PLEKHA2: variants seen among roughly 807,000 people sequenced by gnomAD.
The protein encoded by PLEKHA2 is pleckstrin homology domain containing A2.
A neutral mutation model predicts 53.2 loss-of-function variants in PLEKHA2; 28 were observed. The observed-to-expected ratio is 0.53, with a 90% CI of 0.39 to 0.72. The LOEUF (loss-of-function observed/expected upper bound fraction) is 0.72. Among genes scored for constraint, PLEKHA2 ranks in the 30% least tolerant of loss-of-function variants. The pLI is 0.00. For missense variants in PLEKHA2, 426 were observed against 537.9 expected, an observed-to-expected ratio of 0.79 and a Z score of 2.06; for synonymous variants, 193 against 196.4, an observed-to-expected ratio of 0.98 and a Z score of 0.14.
intron 2 of PLEKHA2, among the ~76,000 whole-genome samples, chr8:38,931,043 C>G (rs1479677088): frequency 2.0e-5 from 3 of 152,158 alleles, no homozygotes; most frequent in Non-Finnish European, 2.9e-5. Context: ...TTTGGGAGGC[C>G]AGGGCGGGCG....
chr8:38,902,652 T>G (rs1488721946), intron 1 of PLEKHA2, among the ~76,000 whole-genome samples: 1 of 152,226 alleles, frequency 6.6e-6, no homozygotes. Context: ...TTTTGTCATT[T>G]TTTTTCTTTG....
intron 5 of PLEKHA2, among the ~76,000 whole-genome samples, chr8:38,947,120 A>T (rs1450947874): frequency 6.6e-6 from 1 of 152,050 alleles, no homozygotes; most frequent in African/African-American, 2.4e-5. Flanking sequence ...ACTTTTGCTG[A>T]TTAGCTTCTT....
intron 1 of PLEKHA2, among the ~76,000 whole-genome samples, chr8:38,915,855 C>T (rs943969708): frequency 2.0e-5 from 3 of 152,072 alleles, no homozygotes; most frequent in East Asian, 1.9e-4. Flanking sequence ...TTTGTGCGTA[C>T]GTAGTAGGTG....
At chr8:38,908,114 C>A (rs16887862) in intron 1 of PLEKHA2, among the ~76,000 whole-genome samples, 3,141 of 152,258 alleles carry the variant, frequency 0.021, 78 homozygotes, top group African/African-American at 0.058. Flanking sequence ...TTTCCCAGAG[C>A]ACTTTTCAAG....
intron 1 of PLEKHA2, among the ~76,000 whole-genome samples, chr8:38,912,987 C>G (rs1041378990): frequency 2.0e-5 from 3 of 152,174 alleles, no homozygotes; most frequent in African/African-American, 7.2e-5. Context: ...TGAGGGCCCT[C>G]TCCCACCGTG....
At position 38,953,450 on chromosome 8, in the gene PLEKHA2, A is replaced by T; in HGVS notation, c.773+83A>T. The stretch of plus-strand genomic sequence containing the variant: ...CCCTTTACTACCCTTCAGAGACTCT[A>T]TGCAAGAGTCATCTTCTTCCAAGAG... On this transcript the variant is annotated intron_variant, in intron 9 of 11. Transcript: ENST00000617275. The T allele has an allele frequency of 3.1e-6, 4 of 1,277,272 alleles. No individual in the cohort carries two copies. The South Asian group carries it at 4.8e-5, about 15-fold the overall frequency. The allele number at this position is 1,277,272 out of a possible 1,614,324, so 79.1% of individuals were successfully genotyped here. A position where few individuals can be genotyped will look rare whatever the true frequency, so the allele number is the denominator to read the frequency against.
At chr8:38,937,582 T>A (rs1834520453) in intron 3 of PLEKHA2, among the ~76,000 whole-genome samples, 1 of 152,176 alleles carries the variant, frequency 6.6e-6, no homozygotes, top group Non-Finnish European at 1.5e-5. Context: ...GATGAGGGTT[T>A]TAGAGTTCTC....
chr8:38,936,620 CCCGT>C (rs1373828642), intron 3 of PLEKHA2, among the ~76,000 whole-genome samples: 1 of 152,222 alleles, frequency 6.6e-6, no homozygotes, highest in East Asian at 1.9e-4. Context: ...CGAGGCCACC[CCCGT>C]CCCATTTGTA....
At position 38,970,188 on chromosome 8, in the gene PLEKHA2, T is replaced by C. The variant is rs1166478757; in HGVS notation, c.*405T>C. 4.6e-6 allele frequency: 2 copies of C among 435,992 alleles called. No individual in the cohort carries two copies. Among genetic ancestry groups the C allele is most frequent in the East Asian group, 7.1e-5 (2 of 28,312 alleles). The allele number at this position is 435,992 out of a possible 1,614,324, so 27.0% of individuals were successfully genotyped here. ...CCTTGTCCTTGTTTTAGTTTTTTCA[T>C]TTTGTTTTCAGTCCAGGTGCCTCGC... On this transcript the variant is annotated 3_prime_UTR_variant, in exon 12 of 12. Coordinates refer to ENST00000617275, the MANE Select transcript of PLEKHA2 (RefSeq NM_021623.2).
intron 2 of PLEKHA2, among the ~76,000 whole-genome samples, chr8:38,932,911 G>A (rs1271921411): frequency 6.6e-6 from 1 of 152,176 alleles, no homozygotes; most frequent in African/African-American, 2.4e-5. Context: ...AAGGGGTGAG[G>A]ACCCCTGCCC....
intron 10 of PLEKHA2, among the ~76,000 whole-genome samples, chr8:38,965,334 G>C (rs924067380): frequency 1.3e-5 from 2 of 152,182 alleles, no homozygotes; most frequent in Non-Finnish European, 2.9e-5. Context: ...CCTGTGGCCT[G>C]TGGGGGTAGC....
At chr8:38,950,500 T>G in intron 5 of PLEKHA2, 1 of 176,718 alleles carries the variant, frequency 5.7e-6, no homozygotes, top group Non-Finnish European at 1.2e-5. Context: ...CTCTGTTTGT[T>G]TTACGTTTTT....
intron 3 of PLEKHA2, among the ~76,000 whole-genome samples, chr8:38,937,268 C>T (rs141642874): frequency 3.7e-4 from 57 of 152,302 alleles, no homozygotes; most frequent in African/African-American, 1.2e-3. Flanking sequence ...GCACAGCTGC[C>T]GGCAATTTGT....
In PLEKHA2 at chr8:38,940,650, C is replaced by CCGGG. The variant is rs1457989198; in HGVS notation, c.199-3139_199-3138insCGGG. On this transcript the variant is annotated intron_variant, in intron 3 of 11. Coordinates refer to ENST00000617275, the MANE Select transcript of PLEKHA2 (RefSeq NM_021623.2). ...TATGCCGTGGTCCAGATTGAAGGGG[C>CCGGG]GGGGGGGGGGGGTCAGAAACCCAGG... is the stretch of plus-strand genomic sequence containing the variant. Among the ~76,000 whole-genome samples the CCGGG allele has an allele frequency of 1.5e-3, 85 of 56,938 alleles. 1 individual carries two copies. Among genetic ancestry groups the CCGGG allele is most frequent in the African/African-American group, 6.6e-3 (81 of 12,246 alleles). 37.4% of individuals were successfully genotyped at this position (56,938 alleles called of 152,430 possible).
At chr8:38,957,423 T>TTTCTGTGAATGGTGCCCTCACAGG (rs1433695879) in intron 10 of PLEKHA2, 37 bp downstream of exon 10, 5 of 1,534,984 alleles carry the variant, frequency 3.3e-6, no homozygotes, top group Non-Finnish European at 3.6e-6. Context: ...CAGCATTCTG[T>TTTCTGTGAATGGTGCCCTCACAGG]TTCTGTGAAT....
Position 38,969,553 on chromosome 8 carries a change from G to A in PLEKHA2, c.1048G>A (p.Val350Met), listed in dbSNP as rs747756684. ...EKKALCKAPS[V>M]ASSWQPWTPV... ...GAAAGCCCTCTGCAAAGCCCCCTCT[G>A]TGGCCTCCTCCTGGCAGCCCTGGAC... The change falls in exon 12 of 12, where the codon GTG (valine) becomes ATG (methionine). Residue 350 changes from valine to methionine, a missense_variant. Val to Met is a conservative substitution (Grantham distance 21, BLOSUM62 1). Transcript: ENST00000617275. 3 of 1,612,348 alleles carry A rather than the reference G, an allele frequency of 1.9e-6. No individual in the cohort carries two copies. Among genetic ancestry groups the A allele is most frequent in the Non-Finnish European group, 2.5e-6 (3 of 1,179,146 alleles).
chr8:38,924,728 T>G (rs1834253836), intron 2 of PLEKHA2, among the ~76,000 whole-genome samples: 1 of 152,100 alleles, frequency 6.6e-6, no homozygotes, highest in African/African-American at 2.4e-5. Flanking sequence ...ATTTGGGAAG[T>G]CAGTGGCAAC....
intron 2 of PLEKHA2, among the ~76,000 whole-genome samples, chr8:38,918,738 GCA>G (rs1305354582): frequency 3.1e-5 from 4 of 128,874 alleles, no homozygotes; most frequent in African/African-American, 1.2e-4. Context: ...AGACACATGC[GCA>G]CACGCACACA....
intron 2 of PLEKHA2, among the ~76,000 whole-genome samples, chr8:38,926,381 CTT>C (rs545129514): frequency 5.2e-4 from 72 of 137,178 alleles, no homozygotes; most frequent in South Asian, 3.0e-3. Context: ...TTAAAAAGTA[CTT>C]TTTTTTTTTT....
Sources: gnomAD v4.1 joint callset for allele counts (sites outside exome capture counted in the v4.1 genomes callset) on GRCh38, gnomAD v4.1.1 for gene constraint, MANE v1.5 for transcripts, NCBI Gene and HGNC (gene_info 2026-07-23, HGNC 2026-07-21) for gene names.